AOPEP: variants seen among roughly 807,000 people sequenced by gnomAD.
The protein encoded by AOPEP is aminopeptidase O.
In AOPEP, 77 loss-of-function variants were observed where a neutral mutation model predicts 98.1. The ratio of observed to expected loss-of-function variants is 0.78; its 90% confidence interval spans 0.65 to 0.95. The LOEUF (loss-of-function observed/expected upper bound fraction) is 0.95. Ranked by LOEUF, AOPEP falls within the 40% of genes least tolerant of loss-of-function variation. The pLI is 0.00. For missense variants in AOPEP, 1,024 were observed against 1,024.7 expected (o/e 1.00, Z 0.01); for synonymous variants, 346 against 365.3 (o/e 0.95, Z 0.60).
chr9:95,114,092 A>C, the AOPEP span: 215 of 189,224 alleles, frequency 1.1e-3, no homozygotes, highest in Non-Finnish European at 1.9e-3. Context: ...ATCTCTAAAA[A>C]TTTAAAACAA....
At chr9:95,124,193 A>G in the AOPEP span, among the ~76,000 whole-genome samples, 1 of 150,036 alleles carries the variant, frequency 6.7e-6, no homozygotes, top group Non-Finnish European at 1.5e-5. Context: ...GATCTGGTGG[A>G]GCCAAGCATT....
chr9:95,029,144 C>T (rs1251741513), intron 13 of AOPEP, among the ~76,000 whole-genome samples: 3 of 152,256 alleles, frequency 2.0e-5, no homozygotes, highest in South Asian at 4.1e-4. Context: ...TACTTGCTGC[C>T]GTGACCAACA....
At chr9:94,824,798 C>A (rs1160440560) in intron 5 of AOPEP, 1 of 151,600 alleles carries the variant, frequency 6.6e-6, no homozygotes, top group Non-Finnish European at 1.5e-5. Context: ...CTTCTTTTTT[C>A]TCATTCAGTT....
At chr9:94,963,278 C>G (rs2058977803) in intron 9 of AOPEP, among the ~76,000 whole-genome samples, 1 of 152,126 alleles carries the variant, frequency 6.6e-6, no homozygotes, top group East Asian at 1.9e-4. Context: ...TCAGTTTATC[C>G]AGTAGAATCT....
chr9:94,934,083 G>T (rs573534293), intron 7 of AOPEP, among the ~76,000 whole-genome samples: 2 of 152,034 alleles, frequency 1.3e-5, no homozygotes, highest in East Asian at 3.9e-4. Flanking sequence ...AAGCTTACAG[G>T]CTTCAAGGAA....
At chr9:94,921,913 C>G (rs2136769137) in intron 5 of AOPEP, among the ~76,000 whole-genome samples, 1 of 152,210 alleles carries the variant, frequency 6.6e-6, no homozygotes. Context: ...GTACATTTAC[C>G]CCCGACTCAG....
At chr9:95,039,159 G>C (rs1257748720) in intron 13 of AOPEP, among the ~76,000 whole-genome samples, 1 of 152,142 alleles carries the variant, frequency 6.6e-6, no homozygotes, top group Non-Finnish European at 1.5e-5. Flanking sequence ...CATGGGATCG[G>C]CCCATGCTGT....
In AOPEP at chr9:94,759,817, C is replaced by T; in HGVS notation, c.34C>T (p.Leu12=). 1 of 1,614,128 alleles carries T rather than the reference C, an allele frequency of 6.2e-7. No individual in the cohort carries two copies. The highest frequency in any genetic ancestry group is 8.5e-7 in the Non-Finnish European group (1 of 1,180,016). The change falls in exon 2 of 17, where the codon CTG becomes TTG. Residue 12 remains leucine, a synonymous_variant. Coordinates refer to ENST00000375315, the MANE Select transcript of AOPEP (RefSeq NM_001193329.3). ...ACAGCTGGACCCTGCCAGAGATGAC[C>T]TGCCTCTCATGGCCAACACCAGCCA... ...DIQLDPARDD[L]PLMANTSHIL...
intron 4 of AOPEP, among the ~76,000 whole-genome samples, chr9:94,799,392 A>AC (rs1847727502): frequency 6.8e-6 from 1 of 147,944 alleles, no homozygotes; most frequent in South Asian, 2.2e-4. Flanking sequence ...CCATCTCCAG[A>AC]CCCCATCTCT....
At chr9:94,760,648 C>A in intron 2 of AOPEP, 68 bp downstream of exon 2, 1 of 1,283,220 alleles carries the variant, frequency 7.8e-7, no homozygotes, top group Non-Finnish European at 1.1e-6. Context: ...TGCTTTCAAA[C>A]ATGAGACCGG....
At chr9:95,000,123 T>A (rs920554075) in intron 11 of AOPEP, among the ~76,000 whole-genome samples, 6 of 150,462 alleles carry the variant, frequency 4.0e-5, no homozygotes, top group African/African-American at 1.5e-4. Context: ...AAAATCCTCC[T>A]AAAAAAAAAC....
intron 1 of AOPEP, among the ~76,000 whole-genome samples, chr9:94,733,252 G>C (rs776705736): frequency 1.3e-5 from 2 of 151,790 alleles, no homozygotes; most frequent in Admixed American, 6.6e-5. Context: ...GACTACAGGT[G>C]CGCACCACCA....
intron 1 of AOPEP, among the ~76,000 whole-genome samples, chr9:94,737,859 A>G (rs1051035876): frequency 6.6e-6 from 1 of 152,106 alleles, no homozygotes; most frequent in African/African-American, 2.4e-5. Flanking sequence ...GGTTCAGCTT[A>G]TGGTTCAGCT....
chr9:94,827,347 G>T (rs931165967), intron 5 of AOPEP, among the ~76,000 whole-genome samples: 1 of 152,160 alleles, frequency 6.6e-6, no homozygotes, highest in African/African-American at 2.4e-5. Flanking sequence ...AGTGAGGCTT[G>T]GGTCATAGGA....
At chr9:94,831,767 A>C (rs192344260) in intron 5 of AOPEP, among the ~76,000 whole-genome samples, 1 of 151,672 alleles carries the variant, frequency 6.6e-6, no homozygotes, top group African/African-American at 2.4e-5. Context: ...ATGAACTCTT[A>C]TTCCCAAGTG....
chr9:94,912,336 G>A (rs2052172760), intron 5 of AOPEP, among the ~76,000 whole-genome samples: 4 of 152,192 alleles, frequency 2.6e-5, no homozygotes, highest in Admixed American at 2.6e-4. Context: ...GTGCAGTTAA[G>A]TTGGGTACTA....
intron 11 of AOPEP, among the ~76,000 whole-genome samples, chr9:95,004,696 G>A (rs953296214): frequency 6.6e-6 from 1 of 150,702 alleles, no homozygotes; most frequent in Non-Finnish European, 1.5e-5. Context: ...CGCTCGCAGG[G>A]CGCGGAGCCG....
At chr9:94,819,773 A>G (rs1852585296) in intron 5 of AOPEP, among the ~76,000 whole-genome samples, 1 of 150,814 alleles carries the variant, frequency 6.6e-6, no homozygotes, top group Admixed American at 6.6e-5. Context: ...GGGTCTGACT[A>G]CGTTGCCTAG....
At chr9:95,043,452 G>T (rs1391642864) in intron 13 of AOPEP, among the ~76,000 whole-genome samples, 1 of 152,060 alleles carries the variant, frequency 6.6e-6, no homozygotes, top group Non-Finnish European at 1.5e-5. Flanking sequence ...GTTTTAGTTT[G>T]AAGGAAATTG....
Sources: gnomAD v4.1 joint callset for allele counts (sites outside exome capture counted in the v4.1 genomes callset) on GRCh38, gnomAD v4.1.1 for gene constraint, MANE v1.5 for transcripts, NCBI Gene and HGNC (gene_info 2026-07-23, HGNC 2026-07-21) for gene names.